The following ERBB4 variants were observed in gnomAD, a reference collection of about 807,000 sequenced individuals.
ERBB4 encodes the protein receptor tyrosine-protein kinase erbB-4.
Under a neutral mutation model 158.0 loss-of-function variants are expected in ERBB4, and 42 were observed. The ratio of observed to expected loss-of-function variants is 0.27; its 90% CI spans 0.21 to 0.34. The LOEUF (loss-of-function observed/expected upper bound fraction) is 0.34. Ranked by LOEUF, ERBB4 falls within the 10% of genes least tolerant of loss-of-function variation. The pLI is 1.00. For missense variants in ERBB4, 1,333 were observed against 1,624.1 expected, an observed-to-expected ratio of 0.82 and a Z score of 3.08; for synonymous variants, 583 against 558.7, an observed-to-expected ratio of 1.04 and a Z score of -0.61.
At chr2:212,389,030 T>C (rs2090768288) in intron 1 of ERBB4, among the ~76,000 whole-genome samples, 1 of 152,044 alleles carries the variant, frequency 6.6e-6, no homozygotes, top group African/African-American at 2.4e-5. Flanking sequence ...TCTGAGAAAC[T>C]GGTGAAAAAG....
chr2:212,415,900 T>C (rs1211355789), intron 1 of ERBB4, among the ~76,000 whole-genome samples: 1 of 152,150 alleles, frequency 6.6e-6, no homozygotes, highest in African/African-American at 2.4e-5. Context: ...ATTCAAATTA[T>C]GATATCATTC....
chr2:211,865,938 A>C (rs2078194704), intron 3 of ERBB4, among the ~76,000 whole-genome samples: 1 of 152,174 alleles, frequency 6.6e-6, no homozygotes, highest in Non-Finnish European at 1.5e-5. Context: ...GAAGCCCTAA[A>C]ATTATATCCT....
intron 3 of ERBB4, among the ~76,000 whole-genome samples, chr2:211,842,809 A>G (rs190091127): frequency 5.3e-5 from 8 of 152,274 alleles, no homozygotes; most frequent in Non-Finnish European, 1.2e-4. Flanking sequence ...CAGGGGTCGT[A>G]TCTGTCTTTT....
chr2:212,348,688 T>G (rs2089123297), intron 1 of ERBB4, among the ~76,000 whole-genome samples: 1 of 152,152 alleles, frequency 6.6e-6, no homozygotes, highest in African/African-American at 2.4e-5. Context: ...GGCCACCGTG[T>G]ACTGCAGGAA....
At chr2:212,055,296 C>T (rs2077522587) in intron 2 of ERBB4, among the ~76,000 whole-genome samples, 1 of 152,192 alleles carries the variant, frequency 6.6e-6, no homozygotes, top group Non-Finnish European at 1.5e-5. Context: ...ACAAAGCGGC[C>T]AGGAAGCTCG....
chr2:212,125,390 A>G (rs11690618), intron 1 of ERBB4, among the ~76,000 whole-genome samples: 62,384 of 152,006 alleles, frequency 0.41, 15,230 homozygotes, highest in Non-Finnish European at 0.55. Flanking sequence ...CACCTACAAG[A>G]CCTCAAACAT....
chr2:212,442,772 G>A (rs2092280861), intron 1 of ERBB4, among the ~76,000 whole-genome samples: 1 of 152,102 alleles, frequency 6.6e-6, no homozygotes, highest in Non-Finnish European at 1.5e-5. Flanking sequence ...AAGGCCAAAT[G>A]GAACCCATTA....
intron 2 of ERBB4, among the ~76,000 whole-genome samples, chr2:211,952,412 AGCGT>A (rs1359246759): frequency 6.6e-6 from 1 of 152,096 alleles, no homozygotes; most frequent in African/African-American, 2.4e-5. Flanking sequence ...GATATCTAAA[AGCGT>A]AAATTATATG....
At chr2:211,909,344 G>A (rs1009038206) in intron 3 of ERBB4, among the ~76,000 whole-genome samples, 1 of 151,578 alleles carries the variant, frequency 6.6e-6, no homozygotes, top group African/African-American at 2.4e-5. Flanking sequence ...ATGGTCACGT[G>A]TTACTTAATA....
At chr2:211,717,446 A>G (rs6758038) in intron 7 of ERBB4, among the ~76,000 whole-genome samples, 94,323 of 152,048 alleles carry the variant, frequency 0.62, 29,545 homozygotes, top group Admixed American at 0.69. Context: ...TATATACATA[A>G]AGAAGTCAAA....
At chr2:211,666,020 G>A (rs1211689809) in intron 14 of ERBB4, among the ~76,000 whole-genome samples, 1 of 152,170 alleles carries the variant, frequency 6.6e-6, no homozygotes, top group Non-Finnish European at 1.5e-5. Context: ...TCATATAAGA[G>A]TAGGATGTAA....
chr2:212,163,588 T>C, intron 1 of ERBB4, among the ~76,000 whole-genome samples: 1 of 152,164 alleles, frequency 6.6e-6, no homozygotes, highest in South Asian at 2.1e-4. Flanking sequence ...TAATTTTTAC[T>C]GAGTCATGTC....
intron 16 of ERBB4, among the ~76,000 whole-genome samples, chr2:211,654,975 G>A (rs1431820403): frequency 2.0e-5 from 3 of 152,238 alleles, no homozygotes; most frequent in African/African-American, 7.2e-5. Context: ...CAGGCAAAAG[G>A]ATTGAGAATT....
intron 1 of ERBB4, among the ~76,000 whole-genome samples, chr2:212,416,563 C>T (rs1399969334): frequency 2.6e-5 from 4 of 152,070 alleles, no homozygotes; most frequent in Non-Finnish European, 5.9e-5. Flanking sequence ...TTCAACCTCA[C>T]ATAATATATT....
At chr2:211,715,033 C>G (rs2073847088) in intron 7 of ERBB4, among the ~76,000 whole-genome samples, 1 of 152,182 alleles carries the variant, frequency 6.6e-6, no homozygotes, top group Non-Finnish European at 1.5e-5. Context: ...GCTTCTCTGT[C>G]TGCCATCTCA....
intron 1 of ERBB4, among the ~76,000 whole-genome samples, chr2:212,330,350 G>T (rs2088077093): frequency 6.6e-6 from 1 of 152,096 alleles, no homozygotes; most frequent in Non-Finnish European, 1.5e-5. Context: ...AGCCGTGGTG[G>T]CTCACGCCTG....
intron 2 of ERBB4, among the ~76,000 whole-genome samples, chr2:211,987,296 G>T (rs952542543): frequency 1.8e-4 from 23 of 131,424 alleles, no homozygotes; most frequent in African/African-American, 7.0e-4. Context: ...ACTCCAGCCT[G>T]GGTGACAGAG....
At chr2:212,049,126 A>T (rs1298008257) in intron 2 of ERBB4, among the ~76,000 whole-genome samples, 3 of 152,246 alleles carry the variant, frequency 2.0e-5, no homozygotes, top group Non-Finnish European at 4.4e-5. Flanking sequence ...TTATATAGCA[A>T]TAGAAAATTA....
intron 2 of ERBB4, among the ~76,000 whole-genome samples, chr2:212,045,212 C>T (rs891748330): frequency 4.6e-5 from 7 of 152,126 alleles, no homozygotes; most frequent in African/African-American, 7.2e-5. Flanking sequence ...GTAATCCCAG[C>T]GCTTTGGGAG....
Sources: allele counts gnomAD v4.1 joint callset (sites outside exome capture counted in the v4.1 genomes callset), GRCh38; gene constraint gnomAD v4.1.1; transcripts MANE v1.5; gene names NCBI Gene and HGNC (gene_info 2026-07-23, HGNC 2026-07-21).